MAMLD1: variants seen among roughly 807,000 people sequenced by gnomAD.
The protein encoded by MAMLD1 is mastermind-like domain-containing protein 1.
In MAMLD1, 14 loss-of-function variants were observed where a neutral mutation model predicts 45.0. The observed-to-expected ratio is 0.31, with a 90% CI of 0.21 to 0.49. MAMLD1 has a LOEUF of 0.49. MAMLD1 is among the 20% of genes least tolerant of loss of function. The pLI, the probability that MAMLD1 is intolerant of heterozygous loss-of-function variation, is 0.99. For synonymous variants in MAMLD1, 254 were observed against 247.8 expected (o/e 1.02, Z -0.24); for missense variants, 543 against 603.6 (o/e 0.90, Z 1.05).
chrX:150,366,931 A>G (rs1242838922), intron 1 of MAMLD1, among the ~76,000 whole-genome samples: 8 of 110,345 alleles, frequency 7.2e-5, no homozygotes, highest in African/African-American at 2.6e-4. Context: ...CTTCGGAAAA[A>G]ACTAGCATTC....
At chrX:150,367,649 G>A (rs1308115837) in intron 1 of MAMLD1, among the ~76,000 whole-genome samples, 2 of 111,612 alleles carry the variant, frequency 1.8e-5, no homozygotes, top group Admixed American at 1.9e-4. Flanking sequence ...ATGTTGGTGT[G>A]CTGCACCCAT....
intron 1 of MAMLD1, among the ~76,000 whole-genome samples, chrX:150,377,061 G>A (rs1302071913): frequency 1.8e-5 from 2 of 112,908 alleles, no homozygotes; most frequent in Non-Finnish European, 3.8e-5. Context: ...CACAAAATGC[G>A]CCCCACTCAT....
chrX:150,452,955 G>A (rs782178425), intron 2 of MAMLD1, among the ~76,000 whole-genome samples: 4 of 110,929 alleles, frequency 3.6e-5, no homozygotes, highest in South Asian at 7.8e-4. Context: ...GAGAACGGGC[G>A]CACAATGAGA....
rs782263584 is a variant in MAMLD1, at chrX:150,377,266, A to G, written c.-64+13736A>G. 2.2e-3 allele frequency among the ~76,000 whole-genome samples: 255 copies of G among 113,440 alleles called. 1 individual carries two copies. The highest frequency in any genetic ancestry group is 7.8e-3 in the African/African-American group (244 of 31,295). On this transcript the variant is annotated intron_variant, in intron 1 of 7. Transcript: ENST00000370401. ...ACTGCCTTGCTGTGTGACCTTGGGC[A>G]AGTCCCTTCCCCTCTCTGGGCCTCA...
chrX:150,377,715 C>T (rs2032393013), intron 1 of MAMLD1, among the ~76,000 whole-genome samples: 1 of 110,438 alleles, frequency 9.1e-6, no homozygotes, highest in African/African-American at 3.3e-5. Flanking sequence ...AATTCAGACT[C>T]TCAGAATATT....
intron 1 of MAMLD1, among the ~76,000 whole-genome samples, chrX:150,425,578 G>A (rs1325642755): frequency 3.6e-5 from 4 of 111,941 alleles, no homozygotes; most frequent in African/African-American, 9.8e-5. Flanking sequence ...CAGGCTCTAG[G>A]TTGGGTGATG....
Position 150,513,668 on chromosome X carries a change from A to G in MAMLD1, c.*1709A>G. 3.4e-6 allele frequency: 1 copy of G among 297,913 alleles called. No homozygotes were observed. Among genetic ancestry groups the G allele is most frequent in the African/African-American group, 2.7e-5 (1 of 37,041 alleles). 24.6% of individuals were successfully genotyped at this position (297,913 alleles called of 1,213,427 possible). A position where few individuals can be genotyped will look rare whatever the true frequency, so the allele number is the denominator to read the frequency against. On this transcript the variant is annotated 3_prime_UTR_variant, in exon 8 of 8. Transcript: ENST00000370401. ...TACAGCAGAAGCCGTTTTATCGTTAAGTGCCCCACAGAGACACTTTACCAG... is the reference window on the plus strand; with the variant it reads ...TACAGCAGAAGCCGTTTTATCGTTAGGTGCCCCACAGAGACACTTTACCAG...
chrX:150,484,607 T>G (rs782053874), intron 5 of MAMLD1, among the ~76,000 whole-genome samples: 1 of 112,578 alleles, frequency 8.9e-6, no homozygotes, highest in African/African-American at 3.2e-5. Context: ...GCAGAACCAC[T>G]CTTCCAAGCC....
chrX:150,487,391 A>C (rs1003332251), intron 5 of MAMLD1, among the ~76,000 whole-genome samples: 3 of 112,248 alleles, frequency 2.7e-5, no homozygotes, highest in African/African-American at 9.7e-5. Flanking sequence ...AGGAAAGTAA[A>C]TTTTCTGGAA....
intron 1 of MAMLD1, among the ~76,000 whole-genome samples, chrX:150,429,584 A>G: frequency 9.0e-6 from 1 of 111,530 alleles, no homozygotes; most frequent in Middle Eastern, 4.2e-3. Flanking sequence ...ATATTGCTAC[A>G]GGTTTCCGTA....
At chrX:150,447,903 A>G (rs1557404873) in intron 2 of MAMLD1, among the ~76,000 whole-genome samples, 1 of 112,178 alleles carries the variant, frequency 8.9e-6, no homozygotes, top group Non-Finnish European at 1.9e-5. Flanking sequence ...AACATCGCTA[A>G]CAGAGATTTG....
chrX:150,396,026 A>C (rs1436408602), intron 1 of MAMLD1, among the ~76,000 whole-genome samples: 1 of 107,266 alleles, frequency 9.3e-6, no homozygotes, highest in Admixed American at 1.0e-4. Flanking sequence ...GTTTTTGCCC[A>C]GGCTGGAGTG....
chrX:150,402,771 A>AGGG (rs1172953304), intron 1 of MAMLD1, among the ~76,000 whole-genome samples: 3 of 111,806 alleles, frequency 2.7e-5, no homozygotes, highest in African/African-American at 9.8e-5. Context: ...TGTCCTTTGT[A>AGGG]GGGACATGGA....
chrX:150,399,846 C>T (rs2033673981), intron 1 of MAMLD1, among the ~76,000 whole-genome samples: 1 of 111,811 alleles, frequency 8.9e-6, no homozygotes, highest in Non-Finnish European at 1.9e-5. Flanking sequence ...TATGGCAGCC[C>T]CAGCAAATGC....
intron 2 of MAMLD1, among the ~76,000 whole-genome samples, chrX:150,455,517 A>T (rs782487324): frequency 1.8e-5 from 2 of 111,575 alleles, no homozygotes; most frequent in African/African-American, 6.5e-5. Context: ...TATCTACACT[A>T]TGCCACACAC....
At position 150,366,333 on chromosome X, in the gene MAMLD1, A is replaced by G. The variant is rs782460684; in HGVS notation, c.-64+2803A>G. On this transcript the variant is annotated intron_variant, in intron 1 of 7. Transcript: ENST00000370401. Reference sequence around the variant, plus strand: ...TTGGAGTAGAAGATGAAGCGTTAACACCCTCAACGCGCATACACACATCCC... The same window carrying G: ...TTGGAGTAGAAGATGAAGCGTTAACGCCCTCAACGCGCATACACACATCCC... Among the ~76,000 whole-genome samples, 9 of 111,192 alleles carry G rather than the reference A, an allele frequency of 8.1e-5. No homozygotes were observed. The South Asian group carries it at 3.5e-3, about 43-fold the overall frequency.
In MAMLD1 at chrX:150,503,972, G is replaced by A. The variant is rs1017271860; in HGVS notation, c.2284+455G>A. 3.3e-5 allele frequency: 22 copies of A among 672,729 alleles called. No individual in the cohort carries two copies. In the East Asian group the frequency reaches 1.3e-3, roughly 39 times the overall value. 55.4% of individuals were successfully genotyped at this position (672,729 alleles called of 1,213,427 possible). ...CCTGCTTGGCACCTAGTGGGTGCTC[G>A]GGAACTGCCTCTCCTGCCAGCCATC... On this transcript the variant is annotated intron_variant, in intron 6 of 7. Transcript: ENST00000370401.
At chrX:150,448,176 A>AT (rs781906879) in intron 2 of MAMLD1, among the ~76,000 whole-genome samples, 68 of 111,961 alleles carry the variant, frequency 6.1e-4, no homozygotes, top group Middle Eastern at 9.2e-3. Context: ...CTCACTAGCT[A>AT]TGGGGCTTTG....
At chrX:150,460,996 G>A (rs191138423) in intron 2 of MAMLD1, among the ~76,000 whole-genome samples, 124 of 112,917 alleles carry the variant, frequency 1.1e-3, no homozygotes, top group African/African-American at 3.8e-3. Context: ...GGTGGCACCT[G>A]TGAGAGGATC....
Sources: allele counts gnomAD v4.1 joint callset (sites outside exome capture counted in the v4.1 genomes callset), GRCh38; gene constraint gnomAD v4.1.1; transcripts MANE v1.5; gene names NCBI Gene and HGNC (gene_info 2026-07-23, HGNC 2026-07-21).